The following DMD variants were observed in gnomAD, a reference collection of about 807,000 sequenced individuals.
DMD encodes the protein dystrophin.
A neutral mutation model predicts 330.1 loss-of-function variants in DMD; 63 were observed. The observed-to-expected ratio is 0.19, with a 90% CI of 0.16 to 0.24. DMD has a LOEUF of 0.24. DMD is among the 10% of genes least tolerant of loss of function. The pLI is 1.00. For missense variants in DMD, 3,344 were observed against 2,684.1 expected (o/e 1.25, Z -5.43); for synonymous variants, 1,223 against 959.8 (o/e 1.27, Z -5.07).
intron 1 of DMD, among the ~76,000 whole-genome samples, chrX:33,023,920 G>A (rs1021362045): frequency 9.0e-6 from 1 of 111,429 alleles, no homozygotes; most frequent in East Asian, 2.8e-4. Flanking sequence ...GTCAGTGAAT[G>A]GACATATTTT....
intron 2 of DMD, among the ~76,000 whole-genome samples, chrX:32,936,040 G>A (rs1198965847): frequency 2.7e-5 from 3 of 111,114 alleles, no homozygotes; most frequent in African/African-American, 9.8e-5. Context: ...CATGTATTCT[G>A]TTCTTAATAT....
intron 21 of DMD, among the ~76,000 whole-genome samples, chrX:32,478,996 T>A (rs973975786): frequency 1.4e-4 from 16 of 111,563 alleles, no homozygotes; most frequent in Non-Finnish European, 2.6e-4. Context: ...AGTCTCATTT[T>A]TCTGACCAAC....
At chrX:32,160,437 G>A (rs1286154506) in intron 44 of DMD, among the ~76,000 whole-genome samples, 13 of 109,781 alleles carry the variant, frequency 1.2e-4, no homozygotes, top group East Asian at 5.8e-4. Flanking sequence ...GTTTTACCAC[G>A]TTGGCCAGGC....
intron 6 of DMD, among the ~76,000 whole-genome samples, chrX:32,810,353 C>A (rs942786068): frequency 9.0e-6 from 1 of 111,294 alleles, no homozygotes; most frequent in East Asian, 2.8e-4. Flanking sequence ...CTTCCCTAAA[C>A]TTCAAATTAT....
chrX:31,924,134 T>C (rs1350713138), intron 47 of DMD, among the ~76,000 whole-genome samples: 2 of 111,405 alleles, frequency 1.8e-5, no homozygotes, highest in African/African-American at 6.5e-5. Flanking sequence ...CCAGTCAATA[T>C]GGTAACAATG....
chrX:31,201,205 A>G (rs867197699), intron 67 of DMD, among the ~76,000 whole-genome samples: 3 of 107,674 alleles, frequency 2.8e-5, no homozygotes, highest in African/African-American at 6.8e-5. Flanking sequence ...ACACGCACAC[A>G]CACACACATA....
chrX:31,140,427 C>T (rs1296338340), intron 76 of DMD, among the ~76,000 whole-genome samples: 2 of 112,110 alleles, frequency 1.8e-5, no homozygotes, highest in African/African-American at 3.2e-5. Flanking sequence ...AACCAGTTTC[C>T]GACTTGATGT....
At chrX:32,456,483 C>A (rs562854924) in intron 25 of DMD, among the ~76,000 whole-genome samples, 1 of 110,767 alleles carries the variant, frequency 9.0e-6, no homozygotes, top group African/African-American at 3.3e-5. Context: ...CTGTTATAAT[C>A]TTTTAAGGCA....
intron 74 of DMD, among the ~76,000 whole-genome samples, chrX:31,155,855 G>A (rs2038056916): frequency 9.1e-6 from 1 of 110,075 alleles, no homozygotes; most frequent in African/African-American, 3.3e-5. Flanking sequence ...CATATGTCGT[G>A]ACACATGCCT....
chrX:33,064,645 T>A (rs1451637281), intron 1 of DMD, among the ~76,000 whole-genome samples: 1 of 111,632 alleles, frequency 9.0e-6, no homozygotes, highest in African/African-American at 3.3e-5. Flanking sequence ...TCCCAACACT[T>A]TGGGAGGCTG....
At chrX:32,571,551 C>T (rs1055441488) in intron 15 of DMD, among the ~76,000 whole-genome samples, 1 of 111,875 alleles carries the variant, frequency 8.9e-6, no homozygotes, top group African/African-American at 3.2e-5. Context: ...TGTCACTCTA[C>T]ACAATCCCTC....
chrX:32,334,932 T>C (rs1006065983), intron 41 of DMD, among the ~76,000 whole-genome samples: 18 of 111,437 alleles, frequency 1.6e-4, no homozygotes, highest in Admixed American at 8.6e-4. Flanking sequence ...ACTCCCACCA[T>C]GTTTTGGAAA....
intron 62 of DMD, among the ~76,000 whole-genome samples, chrX:31,312,363 A>G (rs1166999533): frequency 8.9e-6 from 1 of 112,491 alleles, no homozygotes; most frequent in Middle Eastern, 4.2e-3. Flanking sequence ...AAAAAGCTCA[A>G]CATCACTGAT....
At chrX:33,303,906 T>A (rs767545289) in intron 1 of DMD, among the ~76,000 whole-genome samples, 1 of 111,808 alleles carries the variant, frequency 8.9e-6, no homozygotes, top group East Asian at 2.8e-4. Flanking sequence ...TTTTTAAATG[T>A]CTGAATATTT....
chrX:33,094,057 A>C (rs892550949), intron 1 of DMD, among the ~76,000 whole-genome samples: 5 of 111,168 alleles, frequency 4.5e-5, no homozygotes, highest in Admixed American at 1.9e-4. Flanking sequence ...CTTTTGTGAC[A>C]TAACTATTGA....
At chrX:32,361,057 C>CA (rs2097831726) in intron 37 of DMD, among the ~76,000 whole-genome samples, 1 of 110,525 alleles carries the variant, frequency 9.0e-6, no homozygotes, top group South Asian at 3.8e-4. Flanking sequence ...CTGTGAACCA[C>CA]AATCTTGTAA....
At chrX:32,534,712 T>C (rs1447914056) in intron 17 of DMD, among the ~76,000 whole-genome samples, 1 of 111,457 alleles carries the variant, frequency 9.0e-6, no homozygotes, top group Non-Finnish European at 1.9e-5. Flanking sequence ...TTGTGTCTTC[T>C]TATAAGGGCC....
At position 31,507,448 on chromosome X, in the gene DMD, G is replaced by A; in HGVS notation, c.8223C>T (p.Leu2741=). ...CTGTGTGAGCTTCAATTTCACCTTG[G>A]AGGTCCTACAGGACAGCAGGAAGAA... ...VKELMKQWQD[L]QGEIEAHTDV... The change falls in exon 56 of 79, where the codon CTC becomes CTT. Residue 2741 remains leucine, a synonymous_variant. Coordinates refer to ENST00000357033, the MANE Select transcript of DMD (RefSeq NM_004006.3). The A allele has an allele frequency of 8.3e-7, 1 of 1,202,610 alleles. No homozygotes were observed. Among genetic ancestry groups the A allele is most frequent in the South Asian group, 1.8e-5 (1 of 55,953 alleles).
chrX:31,857,008 T>C (rs1021260571), intron 48 of DMD, among the ~76,000 whole-genome samples: 2 of 111,838 alleles, frequency 1.8e-5, no homozygotes, highest in African/African-American at 6.5e-5. Flanking sequence ...AGGAGAATTT[T>C]ACTTGGATCC....
Sources: allele counts gnomAD v4.1 joint callset (sites outside exome capture counted in the v4.1 genomes callset), GRCh38; gene constraint gnomAD v4.1.1; transcripts MANE v1.5; gene names NCBI Gene and HGNC (gene_info 2026-07-23, HGNC 2026-07-21).